The following PRDM15 variants were observed in gnomAD, a reference collection of about 807,000 sequenced individuals.
PRDM15 encodes the protein PR/SET domain 15.
In PRDM15, 64 loss-of-function variants were observed where a neutral mutation model predicts 128.6. The ratio of observed to expected loss-of-function variants is 0.50; its 90% CI spans 0.41 to 0.61. The LOEUF (loss-of-function observed/expected upper bound fraction) is 0.61, where lower values mean the gene tolerates loss of function less well. Among genes scored for constraint, PRDM15 ranks in the 20% least tolerant of loss-of-function variants. The pLI, the probability that PRDM15 is intolerant of heterozygous loss-of-function variation, is 0.00. For missense variants in PRDM15, 1,242 were observed against 1,569.1 expected, an observed-to-expected ratio of 0.79 and a Z score of 3.52; for synonymous variants, 615 against 621.8, an observed-to-expected ratio of 0.99 and a Z score of 0.16.
intron 1 of PRDM15, chr21:41,867,300 C>T: frequency 1.9e-6 from 3 of 1,612,376 alleles, no homozygotes; most frequent in South Asian, 2.2e-5. Context: ...TAGCCCTGAC[C>T]TCCTCCGTTC....
At position 41,821,937 on chromosome 21, in the gene PRDM15, G is replaced by A. The variant is rs577548381; in HGVS notation, c.1862C>T (p.Ser621Leu). ...NDDNSDESAD[S>L]EPHKYSCKRC... ...CTTGCAGCTGTACTTGTGAGGCTCCGAGTCTGCGCTCTCGTCAGAATTGTC... is the reference window on the plus strand; with the variant it reads ...CTTGCAGCTGTACTTGTGAGGCTCCAAGTCTGCGCTCTCGTCAGAATTGTC... The change falls in exon 15 of 24, where the codon TCG (serine) becomes TTG (leucine). Residue 621 changes from serine to leucine, a missense_variant. Ser to Leu is a moderately radical substitution (Grantham distance 145). Around this residue, in one of 3 missense-constraint regions of PRDM15, gnomAD observed 602 missense variants for 788.3 expected, o/e 0.76. Coordinates refer to ENST00000398548, the MANE Select transcript of PRDM15 (RefSeq NM_001040424.3). The surrounding 1 kb of genome is among the most constrained non-coding windows in gnomAD (Gnocchi z 5.4). 1.2e-5 allele frequency: 19 copies of A among 1,614,196 alleles called. No homozygotes were observed. The highest frequency in any genetic ancestry group is 2.2e-5 in the East Asian group (1 of 44,876).
chr21:41,810,437 G>A lies in PRDM15; in HGVS notation c.2477-108C>T, dbSNP rs2061827953. ...GCCTGCTGGACGAGGCAAGAAGCCT[G>A]TCACGCCCCGCCCATCCTGAGAGGG... On this transcript the variant is annotated intron_variant, in intron 20 of 23. Coordinates refer to ENST00000398548, the MANE Select transcript of PRDM15 (RefSeq NM_001040424.3). The surrounding 1 kb of genome is among the most constrained non-coding windows in gnomAD (Gnocchi z 6.4). 7.8e-7 allele frequency: 1 copy of A among 1,283,122 alleles called. No individual in the cohort carries two copies. The allele number at this position is 1,283,122 out of a possible 1,614,324, so 79.5% of individuals were successfully genotyped here.
intron 5 of PRDM15, among the ~76,000 whole-genome samples, chr21:41,850,281 G>A (rs2063386212): frequency 2.0e-5 from 3 of 149,456 alleles, no homozygotes. Context: ...CTGGCATGGT[G>A]CCCCCCCACA....
intron 1 of PRDM15, among the ~76,000 whole-genome samples, chr21:41,866,048 G>A (rs1601464859): frequency 6.6e-6 from 1 of 152,116 alleles, no homozygotes; most frequent in South Asian, 2.1e-4. Context: ...GCCTCTACTA[G>A]ATCTTTAACC....
At position 41,801,510 on chromosome 21, in the gene PRDM15, G is replaced by C. The variant is rs1294075564; in HGVS notation, c.3156C>G (p.Ala1052=). The stretch of plus-strand genomic sequence containing the variant: ...CGTCATTTTGGCGGTTGTGCAACAT[G>C]GCAGAGCCGCTGACGGTATCAAAGG... The part of the protein sequence containing the change: ...TVTFDTVSGS[A]MLHNRQNDVQ... Residue 1052 remains alanine, a synonymous_variant, in exon 24 of 24, where the codon GCC becomes GCG. Transcript: ENST00000398548. 1 of 1,614,112 alleles carries C rather than the reference G, an allele frequency of 6.2e-7. No homozygotes were observed.
chr21:41,820,304 A>G, intron 16 of PRDM15, 130 bp from the exon 17 acceptor site: 1 of 698,960 alleles, frequency 1.4e-6, no homozygotes, highest in South Asian at 1.7e-5. Flanking sequence ...AAAGAAGCAG[A>G]TATTTGAGCC....
chr21:41,842,976 G>A (rs769596463), intron 6 of PRDM15, among the ~76,000 whole-genome samples: 1 of 151,806 alleles, frequency 6.6e-6, no homozygotes, highest in Non-Finnish European at 1.5e-5. Context: ...GTAGAGATGC[G>A]GTTTCACCAT....
intron 8 of PRDM15, among the ~76,000 whole-genome samples, chr21:41,837,436 A>G (rs1431771836): frequency 1.3e-5 from 2 of 152,240 alleles, no homozygotes; most frequent in Non-Finnish European, 2.9e-5. Context: ...TAAGCCAGTC[A>G]CATAAGGACA....
At chr21:41,802,969 C>G in intron 22 of PRDM15, 48 bp from the exon 23 acceptor site, 1 of 1,511,594 alleles carries the variant, frequency 6.6e-7, no homozygotes, top group Non-Finnish European at 9.2e-7. Context: ...TCGGTCACGT[C>G]AGGCAGCGGC....
intron 1 of PRDM15, chr21:41,867,308 T>C: frequency 6.2e-7 from 1 of 1,613,182 alleles, no homozygotes; most frequent in Non-Finnish European, 8.5e-7. Flanking sequence ...ACCTCCTCCG[T>C]TCGCAATCTT....
intron 4 of PRDM15, among the ~76,000 whole-genome samples, chr21:41,856,270 CCTTCCCTCCTTCCCCTCCCTCCCTT>C (rs1490545501): frequency 1.6e-4 from 18 of 115,390 alleles, no homozygotes; most frequent in Admixed American, 4.4e-4. Context: ...TCCCTTCCTT[CCTTCCCTCCTTCCCCTCCCTCCCTT>C]CCTTCCTTCT....
rs1435262193 is a variant in PRDM15, at chr21:41,828,086, GCTGACTGCTCC to G, written c.1534+69_1534+79del. 30 of 1,504,852 alleles carry G rather than the reference GCTGACTGCTCC, an allele frequency of 2.0e-5. No individual in the cohort carries two copies. Among genetic ancestry groups the G allele is most frequent in the Non-Finnish European group, 2.6e-5 (29 of 1,094,458 alleles). The allele number at this position is 1,504,852 out of a possible 1,614,324, so 93.2% of individuals were successfully genotyped here. The stretch of plus-strand genomic sequence containing the variant: ...CACCGAACTGCTCCCCAAAGGCCCT[GCTGACTGCTCC>G]ATGCCGCCCTGCCCCACCCCGCAGG... On this transcript the variant is annotated intron_variant, in intron 12 of 23. Transcript: ENST00000398548. This position sits in a 1 kb window ranked among gnomAD's most constrained non-coding sequence, Gnocchi z 5.7.
At chr21:41,857,391 A>G in intron 3 of PRDM15, 62 bp from the exon 4 acceptor site, 1 of 1,577,346 alleles carries the variant, frequency 6.3e-7, no homozygotes. Flanking sequence ...CGACTCGTTA[A>G]GATAACCTAA....
At chr21:41,835,829 A>G (rs959568217) in intron 10 of PRDM15, among the ~76,000 whole-genome samples, 1 of 60,320 alleles carries the variant, frequency 1.7e-5, no homozygotes, top group East Asian at 3.1e-4. Context: ...CAGGGACGCC[A>G]GGACACCCAC....
intron 5 of PRDM15, among the ~76,000 whole-genome samples, chr21:41,850,355 C>T (rs2063391348): frequency 6.6e-6 from 1 of 151,236 alleles, no homozygotes; most frequent in African/African-American, 2.4e-5. Flanking sequence ...CATGAAGATC[C>T]AGGATGTTTC....
In PRDM15 at chr21:41,821,385, G is replaced by A. The variant is rs2062257748; in HGVS notation, c.1897-155C>T. Among the ~76,000 whole-genome samples the A allele has an allele frequency of 6.6e-6, 1 of 152,182 alleles. No homozygotes were observed. The highest frequency in any genetic ancestry group is 2.4e-5 in the African/African-American group (1 of 41,440). ...AAGGGACTCTCAGAGGCTTGATGGG[G>A]AACTTTTCCGAAGCCATAAGGCCTC... On this transcript the variant is annotated intron_variant, in intron 15 of 23. Coordinates refer to ENST00000398548, the MANE Select transcript of PRDM15 (RefSeq NM_001040424.3). This position sits in a 1 kb window ranked among gnomAD's most constrained non-coding sequence, Gnocchi z 5.4.
At chr21:41,835,912 CACTCTCCTCCCTCCCCCACA>C (rs2062863484) in intron 10 of PRDM15, among the ~76,000 whole-genome samples, 181 bp downstream of exon 10, 1 of 151,014 alleles carries the variant, frequency 6.6e-6, no homozygotes, top group South Asian at 2.1e-4. Context: ...AGCCCTCGCC[CACTCTCCTCCCTCCCCCACA>C]GGGTTTGGCC....
At chr21:41,805,591 T>C (rs183377995) in intron 21 of PRDM15, among the ~76,000 whole-genome samples, 109 of 152,238 alleles carry the variant, frequency 7.2e-4, no homozygotes, top group African/African-American at 2.5e-3. Context: ...TGCAATGGCT[T>C]TGAAGACTCC....
At position 41,821,195 on chromosome 21, in the gene PRDM15, G is replaced by A. The variant is rs1325761229; in HGVS notation, c.1932C>T (p.His644=). The part of the protein sequence containing the change: ...TFGRGKEYLK[H]IMEVHKEKGY... ...CCTTCTCCTTGTGCACCTCCATGAT[G>A]TGCTTCAGGTACTCCTTCCCCCGGC... The change falls in exon 16 of 24, where the codon CAC becomes CAT. Residue 644 remains histidine (H), a synonymous_variant. Coordinates refer to ENST00000398548, the MANE Select transcript of PRDM15 (RefSeq NM_001040424.3). This position sits in a 1 kb window ranked among gnomAD's most constrained non-coding sequence, Gnocchi z 5.4. 7.4e-6 allele frequency: 12 copies of A among 1,614,068 alleles called. No homozygotes were observed. The highest frequency in any genetic ancestry group is 1.3e-5 in the African/African-American group (1 of 74,924).
Sources: gnomAD v4.1 joint callset for allele counts (sites outside exome capture counted in the v4.1 genomes callset) on GRCh38, gnomAD v4.1.1 for gene constraint, gnomAD v4.1.1 regional missense constraint, Gnocchi (gnomAD v3.1) non-coding constraint, MANE v1.5 for transcripts, NCBI Gene and HGNC (gene_info 2026-07-23, HGNC 2026-07-21) for gene names.